RMDN2: variants seen among roughly 807,000 people sequenced by gnomAD.
RMDN2 encodes regulator of microtubule dynamics 2, also known as regulator of microtubule dynamics protein 2.
Under a neutral mutation model 52.8 loss-of-function variants are expected in RMDN2, and 61 were observed. The observed-to-expected ratio is 1.16, with a 90% confidence interval of 0.94 to 1.43. The LOEUF (loss-of-function observed/expected upper bound fraction) is 1.43, where lower values mean the gene tolerates loss of function less well. RMDN2 is among the 40% of genes most tolerant of loss of function. RMDN2 has a pLI of 0.00. For missense variants in RMDN2, 592 were observed against 475.3 expected, an observed-to-expected ratio of 1.25 and a Z score of -2.28; for synonymous variants, 180 against 153.1, an observed-to-expected ratio of 1.18 and a Z score of -1.30.
chr2:37,952,399 G>A, intron 2 of RMDN2: 1 of 525,076 alleles, frequency 1.9e-6, no homozygotes, highest in Non-Finnish European at 3.3e-6. Flanking sequence ...GATGTTATTG[G>A]AGTATGGAAG....
At chr2:37,943,720 G>A (rs1036889864) in intron 2 of RMDN2, among the ~76,000 whole-genome samples, 3 of 152,106 alleles carry the variant, frequency 2.0e-5, no homozygotes, top group African/African-American at 7.2e-5. Context: ...TATTATATAT[G>A]CATTTTTCAT....
At chr2:38,037,129 T>A (rs1454153465) in intron 10 of RMDN2, among the ~76,000 whole-genome samples, 1 of 152,240 alleles carries the variant, frequency 6.6e-6, no homozygotes, top group Non-Finnish European at 1.5e-5. Context: ...GCTACCTGGA[T>A]GAACTTGGGT....
chr2:37,936,821 A>C (rs1667331091), intron 2 of RMDN2, among the ~76,000 whole-genome samples: 1 of 152,108 alleles, frequency 6.6e-6, no homozygotes, highest in African/African-American at 2.4e-5. Flanking sequence ...AGATTGCAAA[A>C]ATTTTCTCCC....
At chr2:38,054,428 A>AT (rs994734212) in intron 10 of RMDN2, among the ~76,000 whole-genome samples, 13 of 152,344 alleles carry the variant, frequency 8.5e-5, no homozygotes, top group African/African-American at 3.1e-4. Context: ...ATCTGCAAGT[A>AT]TTTTTTAAAT....
upstream of RMDN2, among the ~76,000 whole-genome samples, chr2:37,922,398 A>G (rs769355563): frequency 8.7e-5 from 13 of 149,254 alleles, no homozygotes; most frequent in Non-Finnish European, 1.2e-4. Flanking sequence ...GCTTCCTGGA[A>G]ATAAAACCAC....
At chr2:37,953,344 T>G (rs565329456) in intron 2 of RMDN2, among the ~76,000 whole-genome samples, 10 of 152,114 alleles carry the variant, frequency 6.6e-5, no homozygotes, top group Admixed American at 2.0e-4. Flanking sequence ...AAATAAGAAC[T>G]CTCTACTCTC....
intron 2 of RMDN2, among the ~76,000 whole-genome samples, chr2:37,957,145 G>A (rs866797504): frequency 6.6e-6 from 1 of 152,156 alleles, no homozygotes; most frequent in South Asian, 2.1e-4. Flanking sequence ...ATAGTAGAAT[G>A]ATTTATAATC....
downstream of RMDN2, among the ~76,000 whole-genome samples, chr2:38,021,753 C>G (rs890649175): frequency 1.3e-5 from 2 of 152,162 alleles, no homozygotes; most frequent in East Asian, 1.9e-4. Flanking sequence ...CACCACTGAT[C>G]CAACAGGAGG....
At chr2:37,989,637 A>G (rs767647951) in intron 6 of RMDN2, 21 bp downstream of exon 6, 3 of 1,373,826 alleles carry the variant, frequency 2.2e-6, no homozygotes, top group South Asian at 2.5e-5. Context: ...TTTTTTTTTC[A>G]TATTTCTTTT....
chr2:38,064,658 T>C (rs1185162739), intron 10 of RMDN2, among the ~76,000 whole-genome samples: 2 of 152,096 alleles, frequency 1.3e-5, no homozygotes, highest in Non-Finnish European at 2.9e-5. Context: ...ATAACAAAAT[T>C]GTTGGGACTT....
chr2:37,942,584 TTG>T (rs1404221627), intron 2 of RMDN2, among the ~76,000 whole-genome samples: 1 of 152,212 alleles, frequency 6.6e-6, no homozygotes, highest in African/African-American at 2.4e-5. Flanking sequence ...AATTTTTATA[TTG>T]TCAGACTTTT....
chr2:37,921,588 C>G (rs1462857901), upstream of RMDN2, among the ~76,000 whole-genome samples: 1 of 152,184 alleles, frequency 6.6e-6, no homozygotes, highest in Non-Finnish European at 1.5e-5. Flanking sequence ...CCCTAAATAA[C>G]TGAAGTGGGG....
chr2:38,048,424 A>G (rs1018909407), intron 10 of RMDN2, among the ~76,000 whole-genome samples: 2 of 152,224 alleles, frequency 1.3e-5, no homozygotes, highest in Non-Finnish European at 2.9e-5. Context: ...TGGAGAAAGG[A>G]AAACAGCCTC....
chr2:38,028,670 G>A (rs888011292), intron 10 of RMDN2, among the ~76,000 whole-genome samples: 4 of 152,208 alleles, frequency 2.6e-5, no homozygotes, highest in Middle Eastern at 3.4e-3. Flanking sequence ...AGCTCTGCCC[G>A]CTGCAGCCCC....
At chr2:37,929,149 T>A in intron 1 of RMDN2, 113 bp from the exon 2 acceptor site, 1 of 641,964 alleles carries the variant, frequency 1.6e-6, no homozygotes. Context: ...TGTCCTACTT[T>A]TTGTAAATCC....
intron 2 of RMDN2, among the ~76,000 whole-genome samples, chr2:37,958,783 A>G (rs1194786407): frequency 1.3e-5 from 2 of 150,806 alleles, no homozygotes; most frequent in East Asian, 1.9e-4. Context: ...TTTGTCACAA[A>G]TAGCTCTTAT....
intron 4 of RMDN2, 23 bp from the exon 5 acceptor site, chr2:37,981,260 G>T (rs765951199): frequency 7.1e-7 from 1 of 1,410,902 alleles, no homozygotes; most frequent in Non-Finnish European, 1.0e-6. Context: ...AAGGTATTAA[G>T]TGTAAGTACT....
intron 6 of RMDN2, among the ~76,000 whole-genome samples, chr2:37,990,136 C>T (rs1239563482): frequency 4.6e-5 from 5 of 108,278 alleles, no homozygotes; most frequent in African/African-American, 2.3e-4. Context: ...GAGTGAGACT[C>T]CGTCTGAAAA....
chr2:37,987,201 C>T (rs1430781680), intron 5 of RMDN2, among the ~76,000 whole-genome samples: 1 of 152,064 alleles, frequency 6.6e-6, no homozygotes, highest in Non-Finnish European at 1.5e-5. Flanking sequence ...AAATTAAAAA[C>T]ATAACACTAT....
Sources: gnomAD v4.1 joint callset for allele counts (sites outside exome capture counted in the v4.1 genomes callset) on GRCh38, gnomAD v4.1.1 for gene constraint, MANE v1.5 for transcripts, NCBI Gene and HGNC (gene_info 2026-07-23, HGNC 2026-07-21) for gene names.